The following SEMA3C variants were observed in gnomAD, a reference collection of about 807,000 sequenced individuals.
The protein encoded by SEMA3C is semaphorin-3C.
In SEMA3C, 47 loss-of-function variants were observed where a neutral mutation model predicts 89.4. The ratio of observed to expected loss-of-function variants is 0.53; its 90% CI spans 0.42 to 0.67. SEMA3C has a LOEUF of 0.67. SEMA3C is among the 30% of genes least tolerant of loss of function. The probability of loss-of-function intolerance (pLI) is 0.00; values close to 1 mark genes in which losing one functional copy is unlikely to be tolerated. For synonymous variants in SEMA3C, 310 were observed against 320.2 expected (o/e 0.97, Z 0.34); for missense variants, 839 against 929.1 (o/e 0.90, Z 1.26).
At chr7:80,781,834 A>C (rs1342173796) in intron 12 of SEMA3C, among the ~76,000 whole-genome samples, 2 of 152,140 alleles carry the variant, frequency 1.3e-5, no homozygotes, top group African/African-American at 4.8e-5. Flanking sequence ...TCTGACTGTA[A>C]TTGTTTTCAA....
At position 80,800,782 on chromosome 7, in the gene SEMA3C, C is replaced by G; in HGVS notation, c.961G>C (p.Val321Leu). The change falls in exon 10 of 18, where the codon GTG becomes CTG. Residue 321 changes from valine to leucine, a missense_variant. Val to Leu is a conservative substitution (Grantham distance 32). Transcript: ENST00000265361. ...CTTGATGTTGTAAAAATGCCATACA[C>G]TAGTGTTGTCCTCGGGTTATCAGTT... is the stretch of plus-strand genomic sequence containing the variant. ...LETDNPRTTL[V>L]YGIFTTSSSV... The G allele has an allele frequency of 1.3e-6, 2 of 1,529,962 alleles. No homozygotes were observed. Among genetic ancestry groups the G allele is most frequent in the Non-Finnish European group, 1.8e-6 (2 of 1,142,596 alleles). The allele number at this position is 1,529,962 out of a possible 1,614,324, so 94.8% of individuals were successfully genotyped here. A position where few individuals can be genotyped will look rare whatever the true frequency, so the allele number is the denominator to read the frequency against.
chr7:80,838,871 C>A (rs73139750), intron 2 of SEMA3C, among the ~76,000 whole-genome samples: 2 of 151,922 alleles, frequency 1.3e-5, no homozygotes, highest in Non-Finnish European at 2.9e-5. Context: ...TCCCTTGACA[C>A]GTGATGATTA....
At position 80,758,451 on chromosome 7, in the gene SEMA3C, T is replaced by A; in HGVS notation, c.1523A>T (p.Gln508Leu). Residue 508 changes from glutamine (Q) to leucine (L), a missense_variant, in exon 15 of 18, where the codon CAG becomes CTG. Transcript: ENST00000265361. ...LYVSSNEGVSQVSLHRCHIYG... is the reference protein window; with the variant it reads ...LYVSSNEGVSLVSLHRCHIYG... ...GATGTGGCAGCGGTGCAGAGATACC[T>A]GGGAAACCCCTTCATTGGAACTCAC... 6.2e-7 allele frequency: 1 copy of A among 1,614,044 alleles called. No homozygotes were observed. Among genetic ancestry groups the A allele is most frequent in the Non-Finnish European group, 8.5e-7 (1 of 1,179,956 alleles).
At chr7:80,772,877 C>T (rs1000519468) in intron 12 of SEMA3C, among the ~76,000 whole-genome samples, 1 of 152,088 alleles carries the variant, frequency 6.6e-6, no homozygotes, top group Non-Finnish European at 1.5e-5. Flanking sequence ...AACAGTTTCT[C>T]AGAGTCTGGC....
At chr7:80,908,282 C>CA (rs1241078249) in intron 2 of SEMA3C, among the ~76,000 whole-genome samples, 1 of 152,162 alleles carries the variant, frequency 6.6e-6, no homozygotes, top group Non-Finnish European at 1.5e-5. Flanking sequence ...TTAAAATCTT[C>CA]AGACCCGTTG....
chr7:80,873,034 G>A (rs1228044937), intron 2 of SEMA3C, among the ~76,000 whole-genome samples: 3 of 151,576 alleles, frequency 2.0e-5, no homozygotes, highest in Non-Finnish European at 2.9e-5. Context: ...CCCAGACCAC[G>A]CTTTGAGAAC....
At chr7:80,888,929 T>C (rs988151702) in intron 2 of SEMA3C, among the ~76,000 whole-genome samples, 58 of 152,288 alleles carry the variant, frequency 3.8e-4, no homozygotes, top group African/African-American at 1.2e-3. Flanking sequence ...AAGGGCGCGA[T>C]CTCTGCTCAC....
Position 80,798,148 on chromosome 7 carries a change from G to C in SEMA3C, c.1075C>G (p.Pro359Ala), listed in dbSNP as rs1333523986. The change falls in exon 11 of 18, where the codon CCC (proline) becomes GCC (alanine). Residue 359 changes from proline (P) to alanine (A), a missense_variant. Transcript: ENST00000265361. ...FNGPFAHKEG[P>A]NHQLISYQGR... ...TGATAGGAAATCAGCTGATGATTGG[G>C]CCCTTCTTTGTGGGCAAAAGGCCCA... 1.2e-6 allele frequency: 2 copies of C among 1,608,186 alleles called. No individual in the cohort carries two copies. The highest frequency in any genetic ancestry group is 1.7e-6 in the Non-Finnish European group (2 of 1,177,526).
At chr7:80,838,690 A>G (rs1790194331) in intron 2 of SEMA3C, among the ~76,000 whole-genome samples, 1 of 152,170 alleles carries the variant, frequency 6.6e-6, no homozygotes, top group Non-Finnish European at 1.5e-5. Context: ...GAAACTTACA[A>G]TCATGGTGAA....
At chr7:80,907,096 A>T (rs1792033416) in intron 2 of SEMA3C, among the ~76,000 whole-genome samples, 1 of 152,180 alleles carries the variant, frequency 6.6e-6, no homozygotes, top group Admixed American at 6.5e-5. Context: ...ATTTTTACAC[A>T]AAAGTTTTAA....
At chr7:80,851,228 C>T (rs1163760292) in intron 2 of SEMA3C, among the ~76,000 whole-genome samples, 1 of 152,100 alleles carries the variant, frequency 6.6e-6, no homozygotes, top group Non-Finnish European at 1.5e-5. Flanking sequence ...GACATTCGGC[C>T]TGGCACGGTG....
At chr7:80,901,725 C>T (rs1370335694) in intron 2 of SEMA3C, among the ~76,000 whole-genome samples, 2 of 152,132 alleles carry the variant, frequency 1.3e-5, no homozygotes, top group African/African-American at 4.8e-5. Flanking sequence ...AAATAGTTGT[C>T]TAATTTTCTT....
chr7:80,807,334 C>T (rs1051735936), intron 6 of SEMA3C, among the ~76,000 whole-genome samples: 1 of 152,108 alleles, frequency 6.6e-6, no homozygotes, highest in African/African-American at 2.4e-5. Context: ...GCAGAGAGGG[C>T]TAATTCTAAT....
intron 2 of SEMA3C, among the ~76,000 whole-genome samples, chr7:80,837,687 T>C (rs1313761260): frequency 6.6e-6 from 1 of 152,250 alleles, no homozygotes; most frequent in African/African-American, 2.4e-5. Flanking sequence ...TGCCTTTTTC[T>C]AATTCCTACT....
rs145653134 is a variant in SEMA3C at position 80,765,780 on chromosome 7, T to C, written c.1355-537A>G. ...TTTAGTAGAGACGGGGGTTTCACCA[T>C]GTTAGCCAGGATGGTCTCAATCTCC... On this transcript the variant is annotated intron_variant, in intron 12 of 17. Transcript: ENST00000265361. Among the ~76,000 whole-genome samples, 2,887 of 152,206 alleles carry C rather than the reference T, an allele frequency of 0.019. 250 individuals are homozygous for C. In the East Asian group the frequency reaches 0.28, roughly 15 times the overall value.
chr7:80,811,276 A>G (rs1789463119), intron 5 of SEMA3C, among the ~76,000 whole-genome samples: 1 of 152,152 alleles, frequency 6.6e-6, no homozygotes, highest in African/African-American at 2.4e-5. Flanking sequence ...CACTGGGGAT[A>G]TTGCAAACAA....
intron 12 of SEMA3C, among the ~76,000 whole-genome samples, chr7:80,785,125 G>A (rs556507791): frequency 6.6e-6 from 1 of 152,246 alleles, no homozygotes; most frequent in South Asian, 2.1e-4. Context: ...GATGGGAGTA[G>A]AAGGTCAGTA....
intron 12 of SEMA3C, among the ~76,000 whole-genome samples, chr7:80,777,621 G>A (rs923953319): frequency 2.0e-5 from 3 of 152,154 alleles, no homozygotes; most frequent in African/African-American, 7.2e-5. Context: ...AGGTTTTGGT[G>A]AAGTCACAAC....
chr7:80,792,615 C>T (rs1456568268), intron 11 of SEMA3C, among the ~76,000 whole-genome samples: 2 of 152,106 alleles, frequency 1.3e-5, no homozygotes, highest in African/African-American at 4.8e-5. Flanking sequence ...TTGCTCAAAA[C>T]CATAGTTATT....
Sources: allele counts gnomAD v4.1 joint callset (sites outside exome capture counted in the v4.1 genomes callset), GRCh38; gene constraint gnomAD v4.1.1; transcripts MANE v1.5; gene names NCBI Gene and HGNC (gene_info 2026-07-23, HGNC 2026-07-21).